The following TBC1D1 variants were observed in gnomAD, a reference collection of about 807,000 sequenced individuals.
TBC1D1 encodes the protein TBC1 domain family member 1.
Under a neutral mutation model 125.6 loss-of-function variants are expected in TBC1D1, and 89 were observed. The observed-to-expected ratio is 0.71, with a 90% CI of 0.60 to 0.85. The LOEUF (loss-of-function observed/expected upper bound fraction) is 0.85. TBC1D1 is among the 40% of genes least tolerant of loss of function. The probability of loss-of-function intolerance (pLI) is 0.00; values close to 1 mark genes in which losing one functional copy is unlikely to be tolerated. For synonymous variants in TBC1D1, 565 were observed against 564.1 expected (o/e 1.00, Z -0.02); for missense variants, 1,377 against 1,469.2 (o/e 0.94, Z 1.03).
At chr4:38,091,390 T>C (rs1410640079) in intron 13 of TBC1D1, among the ~76,000 whole-genome samples, 2 of 152,236 alleles carry the variant, frequency 1.3e-5, no homozygotes, top group Non-Finnish European at 2.9e-5. Context: ...AACCCAGTTT[T>C]TCTGCCACTT....
intron 14 of TBC1D1, among the ~76,000 whole-genome samples, chr4:38,102,295 C>G (rs1293234259): frequency 6.7e-6 from 1 of 149,328 alleles, no homozygotes; most frequent in Non-Finnish European, 1.5e-5. Flanking sequence ...CTGAGCTCTA[C>G]TTCCTTTTGA....
At chr4:38,028,526 C>T (rs1368913719) in intron 7 of TBC1D1, among the ~76,000 whole-genome samples, 1 of 152,194 alleles carries the variant, frequency 6.6e-6, no homozygotes, top group Non-Finnish European at 1.5e-5. Flanking sequence ...CAGAGCCGCC[C>T]TGGGCCACAT....
At chr4:37,921,592 T>A (rs1445216162) in intron 2 of TBC1D1, among the ~76,000 whole-genome samples, 2 of 151,484 alleles carry the variant, frequency 1.3e-5, no homozygotes, top group East Asian at 1.9e-4. Flanking sequence ...TTTTTTTTTT[T>A]AGTTGAGATG....
intron 2 of TBC1D1, among the ~76,000 whole-genome samples, chr4:37,967,113 A>G (rs1009897358): frequency 4.6e-5 from 7 of 152,226 alleles, no homozygotes; most frequent in Admixed American, 4.6e-4. Context: ...GCTGAAGCAC[A>G]TAAATTTAGG....
At chr4:38,055,281 G>GT (rs1176914024) in intron 12 of TBC1D1, among the ~76,000 whole-genome samples, 1 of 152,182 alleles carries the variant, frequency 6.6e-6, no homozygotes, top group Admixed American at 6.5e-5. Context: ...GCTACCCGCT[G>GT]TAACCAAAGC....
chr4:37,968,214 A>C (rs1299579978), intron 2 of TBC1D1, among the ~76,000 whole-genome samples: 8 of 152,094 alleles, frequency 5.3e-5, no homozygotes, highest in Non-Finnish European at 1.2e-4. Flanking sequence ...TGTTACTTAC[A>C]AGGAGAAAAA....
intron 2 of TBC1D1, among the ~76,000 whole-genome samples, chr4:37,938,552 C>T (rs1057008871): frequency 3.3e-5 from 5 of 151,794 alleles, no homozygotes; most frequent in African/African-American, 1.2e-4. Context: ...ATTATTATAC[C>T]TTAAGTTCTA....
intron 15 of TBC1D1, among the ~76,000 whole-genome samples, chr4:38,108,227 G>A (rs899630694): frequency 2.6e-5 from 4 of 152,142 alleles, no homozygotes; most frequent in African/African-American, 4.8e-5. Flanking sequence ...GGAAACTCCT[G>A]AGGGACCCCC....
chr4:37,896,489 C>T (rs1211974550), intron 1 of TBC1D1, among the ~76,000 whole-genome samples: 1 of 152,142 alleles, frequency 6.6e-6, no homozygotes, highest in Admixed American at 6.5e-5. Flanking sequence ...CATCCCCACA[C>T]AATGTTGGGG....
chr4:38,094,648 T>A (rs560268709), intron 13 of TBC1D1, among the ~76,000 whole-genome samples: 2 of 152,200 alleles, frequency 1.3e-5, no homozygotes. Flanking sequence ...TCTTTCTGGC[T>A]GTGTGAAGTT....
chr4:37,964,839 C>G (rs1266818322), intron 2 of TBC1D1, among the ~76,000 whole-genome samples: 1 of 152,240 alleles, frequency 6.6e-6, no homozygotes, highest in Admixed American at 6.5e-5. Context: ...TAGCTAGCAT[C>G]AGCTCTGTCC....
At chr4:37,927,449 T>A (rs1290186419) in intron 2 of TBC1D1, among the ~76,000 whole-genome samples, 2 of 152,226 alleles carry the variant, frequency 1.3e-5, no homozygotes, top group African/African-American at 4.8e-5. Context: ...CTCTCTTATA[T>A]CTATTGCTGT....
chr4:37,989,568 AGATT>A (rs1736135109), intron 2 of TBC1D1, among the ~76,000 whole-genome samples: 1 of 152,148 alleles, frequency 6.6e-6, no homozygotes, highest in South Asian at 2.1e-4. Flanking sequence ...TGTTTTACGG[AGATT>A]GATTCTTTTT....
At chr4:37,982,924 A>C (rs944316921) in intron 2 of TBC1D1, among the ~76,000 whole-genome samples, 2 of 152,182 alleles carry the variant, frequency 1.3e-5, no homozygotes, top group Non-Finnish European at 2.9e-5. Context: ...AGGCAGTTAG[A>C]GTAGCGTATG....
intron 2 of TBC1D1, among the ~76,000 whole-genome samples, chr4:38,003,270 C>G (rs1241827627): frequency 1.3e-5 from 2 of 152,194 alleles, no homozygotes; most frequent in Non-Finnish European, 2.9e-5. Context: ...TTTTCACACT[C>G]TGTTCCTGTG....
In TBC1D1 at chr4:38,080,602, C is replaced by T. The variant is rs929313884; in HGVS notation, c.2051-9330C>T. Among the ~76,000 whole-genome samples, 8 of 152,220 alleles carry T rather than the reference C, an allele frequency of 5.3e-5. No individual in the cohort carries two copies. The East Asian group carries it at 1.3e-3, about 26-fold the overall frequency. ...CACACTTGCCAAGGTGGGACTGCCCCGCATCTCCTTCCCAGTCGTGTGTCA... is the reference window on the plus strand; with the variant it reads ...CACACTTGCCAAGGTGGGACTGCCCTGCATCTCCTTCCCAGTCGTGTGTCA... On this transcript the variant is annotated intron_variant, in intron 12 of 19. Coordinates refer to ENST00000261439, the MANE Select transcript of TBC1D1 (RefSeq NM_015173.4).
chr4:38,109,611 T>C (rs1315559893), intron 15 of TBC1D1, among the ~76,000 whole-genome samples: 1 of 152,146 alleles, frequency 6.6e-6, no homozygotes, highest in Non-Finnish European at 1.5e-5. Context: ...GGAGTTGGGC[T>C]CACAGAGCCA....
At chr4:38,074,764 C>CTTT (rs10581033) in intron 12 of TBC1D1, among the ~76,000 whole-genome samples, 1 of 142,656 alleles carries the variant, frequency 7.0e-6, no homozygotes. Context: ...GTCTCTCTCT[C>CTTT]TTTTTTTTTT....
chr4:37,893,616 C>T (rs1418419807), intron 1 of TBC1D1, among the ~76,000 whole-genome samples: 11 of 151,948 alleles, frequency 7.2e-5, no homozygotes, highest in African/African-American at 1.7e-4. Context: ...GTCAGGAGTT[C>T]GAGACCAGCC....
Sources: allele counts gnomAD v4.1 joint callset (sites outside exome capture counted in the v4.1 genomes callset), GRCh38; gene constraint gnomAD v4.1.1; transcripts MANE v1.5; gene names NCBI Gene and HGNC (gene_info 2026-07-23, HGNC 2026-07-21).